Variants in GABRG3 observed in about 807,000 individuals in gnomAD.
GABRG3 encodes the protein gamma-aminobutyric acid type A receptor subunit gamma3.
A neutral mutation model predicts 48.8 loss-of-function variants in GABRG3; 25 were observed. The ratio of observed to expected loss-of-function variants is 0.51; its 90% CI spans 0.37 to 0.72. The LOEUF (loss-of-function observed/expected upper bound fraction) is 0.72. Among genes scored for constraint, GABRG3 ranks in the 30% least tolerant of loss-of-function variants. The pLI, the probability that GABRG3 is intolerant of heterozygous loss-of-function variation, is 0.00. For synonymous variants in GABRG3, 227 were observed against 217.6 expected (o/e 1.04, Z -0.38); for missense variants, 394 against 577.9 (o/e 0.68, Z 3.26).
At chr15:27,365,320 C>T (rs1289129334) in intron 5 of GABRG3, 1 of 85,442 alleles carries the variant, frequency 1.2e-5, no homozygotes, top group Non-Finnish European at 2.5e-5. Context: ...CACACACACA[C>T]ACACACACAC....
intron 3 of GABRG3, among the ~76,000 whole-genome samples, chr15:27,062,522 C>T (rs1265294247): frequency 1.3e-5 from 2 of 150,206 alleles, no homozygotes; most frequent in Admixed American, 6.7e-5. Context: ...GCAGGAGAAT[C>T]GCTTGAACCT....
intron 3 of GABRG3, among the ~76,000 whole-genome samples, chr15:27,087,158 G>A (rs1017568755): frequency 3.9e-5 from 6 of 152,202 alleles, no homozygotes; most frequent in Non-Finnish European, 5.9e-5. Context: ...CTTCAGCAGC[G>A]AGGGAGTTTG....
intron 3 of GABRG3, among the ~76,000 whole-genome samples, chr15:27,145,664 T>TCTATCTATCTA (rs61419936): frequency 7.4e-6 from 1 of 134,360 alleles, no homozygotes; most frequent in Non-Finnish European, 1.5e-5. Flanking sequence ...TATCTATCTA[T>TCTATCTATCTA]TGTGCCAGAA....
At chr15:27,132,731 A>C (rs768641754) in intron 3 of GABRG3, among the ~76,000 whole-genome samples, 4 of 149,916 alleles carry the variant, frequency 2.7e-5, no homozygotes, top group Non-Finnish European at 4.5e-5. Context: ...AAATTTATCA[A>C]TTTTGTTGAT....
chr15:27,212,362 C>T (rs1165270531), intron 3 of GABRG3, among the ~76,000 whole-genome samples: 1 of 152,194 alleles, frequency 6.6e-6, no homozygotes, highest in Non-Finnish European at 1.5e-5. Context: ...TTCTTCACCT[C>T]AGTTTCAGTA....
chr15:27,454,718 CA>C (rs1297119443), intron 5 of GABRG3, among the ~76,000 whole-genome samples: 1 of 152,176 alleles, frequency 6.6e-6, no homozygotes, highest in Non-Finnish European at 1.5e-5. Flanking sequence ...ATGGGTATTC[CA>C]TTCATGCATT....
At chr15:27,000,803 T>C (rs969447657) in intron 2 of GABRG3, among the ~76,000 whole-genome samples, 1 of 152,212 alleles carries the variant, frequency 6.6e-6, no homozygotes, top group Non-Finnish European at 1.5e-5. Flanking sequence ...CGTTTAACCA[T>C]GAGCCAGTTG....
chr15:27,041,786 C>G (rs548000048), intron 3 of GABRG3, among the ~76,000 whole-genome samples: 120 of 152,266 alleles, frequency 7.9e-4, no homozygotes, highest in African/African-American at 2.8e-3. Context: ...AGTTTGAGCT[C>G]TGAACTCCTC....
chr15:27,450,658 A>T (rs577705793), intron 5 of GABRG3, among the ~76,000 whole-genome samples: 20 of 152,012 alleles, frequency 1.3e-4, no homozygotes, highest in Non-Finnish European at 8.8e-5. Flanking sequence ...CAAGACAAGG[A>T]TGTCCACTCT....
chr15:27,183,306 A>G (rs1051840023), intron 3 of GABRG3, among the ~76,000 whole-genome samples: 7 of 152,220 alleles, frequency 4.6e-5, no homozygotes, highest in African/African-American at 1.7e-4. Flanking sequence ...AAAACAAAAC[A>G]AAGCATTAGG....
In GABRG3 at chr15:27,251,065, C is replaced by T. The variant is rs1425090500; in HGVS notation, c.271-75744C>T. Among the ~76,000 whole-genome samples the T allele has an allele frequency of 5.3e-5, 8 of 152,170 alleles. No individual in the cohort carries two copies. In the East Asian group the frequency reaches 7.7e-4, roughly 15 times the overall value. ...CCACGCTGATAGCTCTGACGTGAAT[C>T]GACTGCCACGCCTGCTGCCTGGCTC... On this transcript the variant is annotated intron_variant, in intron 3 of 9. Transcript: ENST00000615808.
intron 3 of GABRG3, among the ~76,000 whole-genome samples, chr15:27,207,132 C>T (rs1888880583): frequency 6.6e-6 from 1 of 152,112 alleles, no homozygotes; most frequent in Non-Finnish European, 1.5e-5. Flanking sequence ...TGTGTAGTTG[C>T]TTTATAGTGT....
intron 3 of GABRG3, among the ~76,000 whole-genome samples, chr15:27,292,023 T>A (rs1246164149): frequency 2.0e-5 from 3 of 152,134 alleles, no homozygotes; most frequent in Non-Finnish European, 1.5e-5. Context: ...CACTTATGAG[T>A]GAGAACATGT....
At chr15:27,012,355 CA>C (rs1895705085) in intron 2 of GABRG3, among the ~76,000 whole-genome samples, 1 of 152,084 alleles carries the variant, frequency 6.6e-6, no homozygotes, top group Admixed American at 6.5e-5. Flanking sequence ...ATTAACTTTT[CA>C]GCAATTTGAT....
At chr15:27,139,634 T>A (rs931476748) in intron 3 of GABRG3, among the ~76,000 whole-genome samples, 3 of 152,302 alleles carry the variant, frequency 2.0e-5, no homozygotes, top group Middle Eastern at 6.8e-3. Context: ...AAATTCTATA[T>A]CTGAATTTTT....
chr15:27,316,638 T>C (rs1030738561), intron 3 of GABRG3, among the ~76,000 whole-genome samples: 1 of 152,226 alleles, frequency 6.6e-6, no homozygotes, highest in Admixed American at 6.5e-5. Context: ...TTTTAACTTA[T>C]GAACATTTTT....
intron 3 of GABRG3, among the ~76,000 whole-genome samples, chr15:27,163,018 A>G (rs570710645): frequency 6.6e-6 from 1 of 152,034 alleles, no homozygotes; most frequent in Admixed American, 6.5e-5. Context: ...GCTGGTGGCC[A>G]TCACTTTCAC....
At chr15:27,468,094 G>T (rs555666689) in intron 5 of GABRG3, among the ~76,000 whole-genome samples, 1 of 152,288 alleles carries the variant, frequency 6.6e-6, no homozygotes, top group South Asian at 2.1e-4. Flanking sequence ...CGGGTCAGGG[G>T]AAGTCCCCAT....
intron 3 of GABRG3, among the ~76,000 whole-genome samples, chr15:27,056,140 G>A (rs1440739285): frequency 6.6e-6 from 1 of 151,938 alleles, no homozygotes; most frequent in Non-Finnish European, 1.5e-5. Flanking sequence ...CTTGAGTCCA[G>A]GAGTTCGAGA....
Sources: gnomAD v4.1 joint callset for allele counts (sites outside exome capture counted in the v4.1 genomes callset) on GRCh38, gnomAD v4.1.1 for gene constraint, MANE v1.5 for transcripts, NCBI Gene and HGNC (gene_info 2026-07-23, HGNC 2026-07-21) for gene names.